KDM1B: variants seen among roughly 807,000 people sequenced by gnomAD.
KDM1B encodes lysine-specific histone demethylase 2.
A neutral mutation model predicts 107.4 loss-of-function variants in KDM1B; 63 were observed. The ratio of observed to expected loss-of-function variants is 0.59; its 90% CI spans 0.48 to 0.72. The LOEUF (loss-of-function observed/expected upper bound fraction) is 0.72. Among genes scored for constraint, KDM1B ranks in the 30% least tolerant of loss-of-function variants. The pLI is 0.00. For missense variants in KDM1B, 749 were observed against 1,020.8 expected, an observed-to-expected ratio of 0.73 and a Z score of 3.63; for synonymous variants, 363 against 363.9, an observed-to-expected ratio of 1.00 and a Z score of 0.03.
At chr6:18,185,724 CTA>C (rs1786812965) in intron 7 of KDM1B, 46 bp from the exon 8 acceptor site, 2 of 1,530,720 alleles carry the variant, frequency 1.3e-6, no homozygotes, top group Non-Finnish European at 1.8e-6. Flanking sequence ...ATACCTGAGA[CTA>C]TATTTTATAA....
In KDM1B at chr6:18,162,277, G is replaced by A. The variant is rs985702379; in HGVS notation, c.216-558G>A. On this transcript the variant is annotated intron_variant, in intron 4 of 21. Coordinates refer to ENST00000650836, the MANE Select transcript of KDM1B (RefSeq NM_001364614.2). This position sits in a 1 kb window ranked among gnomAD's most constrained non-coding sequence, Gnocchi z 4.1. ...CAGAGGTTGCAATGAGCCTGAGATC[G>A]TGCCACTGTACTCCAGCCTGAGTGA... Among the ~76,000 whole-genome samples, 17 of 152,154 alleles carry A rather than the reference G, an allele frequency of 1.1e-4. No homozygotes were observed. Among genetic ancestry groups the A allele is most frequent in the African/African-American group, 3.6e-4 (15 of 41,436 alleles).
In KDM1B at chr6:18,197,255, G is replaced by A. The variant is rs779705156; in HGVS notation, c.1146+22G>A. On this transcript the variant is annotated intron_variant, in intron 11 of 21. Coordinates refer to ENST00000650836, the MANE Select transcript of KDM1B (RefSeq NM_001364614.2). This position sits in a 1 kb window ranked among gnomAD's most constrained non-coding sequence, Gnocchi z 4.5. Reference sequence around the variant, plus strand: ...CAATGTAGGTGATTATAGCTTTAGCGATAGCCTTGCCATTGATCAGGACAA... The same window carrying A: ...CAATGTAGGTGATTATAGCTTTAGCAATAGCCTTGCCATTGATCAGGACAA... 1.9e-6 allele frequency: 3 copies of A among 1,602,558 alleles called. No homozygotes were observed. Among genetic ancestry groups the A allele is most frequent in the East Asian group, 2.2e-5 (1 of 44,718 alleles).
Position 18,172,756 on chromosome 6 carries a change from A to G in KDM1B, c.534+1277A>G, listed in dbSNP as rs1007530055. The stretch of plus-strand genomic sequence containing the variant: ...ATATTTATAATAAACTATATAGTTT[A>G]TTTTCTGTGCCTGGCCTATTCGTTT... On this transcript the variant is annotated intron_variant, in intron 7 of 21. Transcript: ENST00000650836. This position sits in a 1 kb window ranked among gnomAD's most constrained non-coding sequence, Gnocchi z 5.2. Among the ~76,000 whole-genome samples, 1 of 152,040 alleles carries G rather than the reference A, an allele frequency of 6.6e-6. No homozygotes were observed. Among genetic ancestry groups the G allele is most frequent in the Non-Finnish European group, 1.5e-5 (1 of 68,014 alleles).
At chr6:18,165,552 G>T (rs1231539758) in intron 5 of KDM1B, among the ~76,000 whole-genome samples, 1 of 152,226 alleles carries the variant, frequency 6.6e-6, no homozygotes, top group Non-Finnish European at 1.5e-5. Flanking sequence ...GCTAGGTGCA[G>T]TGGCTCACGC....
intron 6 of KDM1B, 122 bp downstream of exon 6, chr6:18,166,500 G>A (rs1164245608): frequency 3.2e-6 from 2 of 627,646 alleles, no homozygotes; most frequent in Non-Finnish European, 5.8e-6. Context: ...GACTATTAAA[G>A]CAAATATTTT....
At position 18,200,615 on chromosome 6, in the gene KDM1B, GAAAA is replaced by G; in HGVS notation, c.1359+41_1359+44del. ...AGCTTTGTGTTGTAGATAAAGGAAA[GAAAA>G]ACAGTTTCAATTTGCTTGTGTGCAG... On this transcript the variant is annotated intron_variant, in intron 13 of 21. Coordinates refer to ENST00000650836, the MANE Select transcript of KDM1B (RefSeq NM_001364614.2). This position sits in a 1 kb window ranked among gnomAD's most constrained non-coding sequence, Gnocchi z 4.3. 6.3e-7 allele frequency: 1 copy of G among 1,581,164 alleles called. No homozygotes were observed.
rs921737963 is a variant in KDM1B at position 18,204,352 on chromosome 6, C to T, written c.1532-1185C>T. Reference sequence around the variant, plus strand: ...TTCAAAAATTAGCTGGGCATAGAGGCGGGCGCCTGTAGTCCCAGCTACTTG... The same window carrying T: ...TTCAAAAATTAGCTGGGCATAGAGGTGGGCGCCTGTAGTCCCAGCTACTTG... On this transcript the variant is annotated intron_variant, in intron 14 of 21. Coordinates refer to ENST00000650836, the MANE Select transcript of KDM1B (RefSeq NM_001364614.2). The surrounding 1 kb of genome is among the most constrained non-coding windows in gnomAD (Gnocchi z 4.9). Among the ~76,000 whole-genome samples the T allele has an allele frequency of 2.0e-5, 3 of 151,678 alleles. No homozygotes were observed. Among genetic ancestry groups the T allele is most frequent in the Non-Finnish European group, 4.4e-5 (3 of 67,996 alleles).
At chr6:18,164,174 C>G (rs935751385) in intron 5 of KDM1B, among the ~76,000 whole-genome samples, 1 of 152,020 alleles carries the variant, frequency 6.6e-6, no homozygotes, top group Non-Finnish European at 1.5e-5. Flanking sequence ...GTTGCCCAGG[C>G]TGGAGTGCAG....
chr6:18,183,257 G>GTTT, intron 7 of KDM1B, among the ~76,000 whole-genome samples: 2 of 113,300 alleles, frequency 1.8e-5, no homozygotes, highest in African/African-American at 3.4e-5. Context: ...GAATTTTGTG[G>GTTT]GTTTTTTTTT....
Position 18,222,092 on chromosome 6 carries a change from A to C in KDM1B, c.*100A>C. ...AAGAGGGGGAAAAAACCGTCTCTAC[A>C]TAGTAAAACTGAAATGTTTCTAAGG... On this transcript the variant is annotated 3_prime_UTR_variant, in exon 22 of 22. Coordinates refer to ENST00000650836, the MANE Select transcript of KDM1B (RefSeq NM_001364614.2). The C allele has an allele frequency of 9.8e-7, 1 of 1,025,532 alleles. No individual in the cohort carries two copies. The highest frequency in any genetic ancestry group is 1.7e-5 in the Admixed American group (1 of 58,042). 63.5% of individuals were successfully genotyped at this position (1,025,532 alleles called of 1,614,324 possible). A position where few individuals can be genotyped will look rare whatever the true frequency, so the allele number is the denominator to read the frequency against.
At position 18,207,411 on chromosome 6, in the gene KDM1B, C is replaced by T. The variant is rs1419961328; in HGVS notation, c.1673C>T (p.Ser558Leu). 5.0e-6 allele frequency: 8 copies of T among 1,614,044 alleles called. No homozygotes were observed. Among genetic ancestry groups the T allele is most frequent in the African/African-American group, 1.3e-5 (1 of 74,934 alleles). The change falls in exon 16 of 22, where the codon TCG becomes TTG. Residue 558 changes from serine (S) to leucine (L), a missense_variant. Physicochemically the swap from Ser to Leu is moderately radical, Grantham distance 145. Transcript: ENST00000650836. The stretch of plus-strand genomic sequence containing the variant: ...CTTGTTTCCCAGGTATCTGCTCGCT[C>T]GTGGGACCACAATGAATTCTTTGCC... ...GSNLHQVSAR[S>L]WDHNEFFAQF... is the part of the protein sequence containing the mutation.
intron 12 of KDM1B, among the ~76,000 whole-genome samples, chr6:18,199,258 C>G (rs917654097): frequency 6.6e-6 from 1 of 151,986 alleles, no homozygotes; most frequent in African/African-American, 2.4e-5. Context: ...CAAGGTGCAG[C>G]CTTCCTAGTT....
chr6:18,192,826 T>C (rs1056755477), intron 10 of KDM1B, among the ~76,000 whole-genome samples: 4 of 150,588 alleles, frequency 2.7e-5, no homozygotes, highest in African/African-American at 9.7e-5. Context: ...AAATTTGACT[T>C]ATACAGGGGA....
At position 18,217,715 on chromosome 6, in the gene KDM1B, C is replaced by T. The variant is rs761902362; in HGVS notation, c.2233-18C>T. On this transcript the variant is annotated intron_variant, in intron 20 of 21. Coordinates refer to ENST00000650836, the MANE Select transcript of KDM1B (RefSeq NM_001364614.2). ...CCCTTCTTGATCCTACTTCATAATT[C>T]CTTTCTATTGGACATAGGAGGTCCC... 3 of 1,607,578 alleles carry T rather than the reference C, an allele frequency of 1.9e-6. No homozygotes were observed. The highest frequency in any genetic ancestry group is 2.2e-5 in the South Asian group (2 of 90,686).
intron 17 of KDM1B, among the ~76,000 whole-genome samples, chr6:18,210,359 T>TG (rs1788763120): frequency 1.1e-5 from 1 of 90,590 alleles, no homozygotes; most frequent in African/African-American, 5.2e-5. Context: ...TTTTTTTTTT[T>TG]TTTTTTTTTT....
chr6:18,186,570 G>T lies in KDM1B; in HGVS notation c.573+760G>T, dbSNP rs181549978. On this transcript the variant is annotated intron_variant, in intron 8 of 21. Coordinates refer to ENST00000650836, the MANE Select transcript of KDM1B (RefSeq NM_001364614.2). The surrounding 1 kb of genome is among the most constrained non-coding windows in gnomAD (Gnocchi z 5.6). ...TAAATCCATTCTGTTATATAAAAGG[G>T]TGTTTGCATGTGTATTAGTCCGTTC... 1.1e-3 allele frequency among the ~76,000 whole-genome samples: 167 copies of T among 152,240 alleles called. No homozygotes were observed. Among genetic ancestry groups the T allele is most frequent in the South Asian group, 4.4e-3 (21 of 4,824 alleles).
chr6:18,205,395 T>C lies in KDM1B; in HGVS notation c.1532-142T>C, dbSNP rs1446152876. ...GAGAGAAATGGACCTTATCAAGAGA[T>C]CTTTTCCCCTCTGACTTTACTTGGG... On this transcript the variant is annotated intron_variant, in intron 14 of 21. Coordinates refer to ENST00000650836, the MANE Select transcript of KDM1B (RefSeq NM_001364614.2). The surrounding 1 kb of genome is among the most constrained non-coding windows in gnomAD (Gnocchi z 5.7). 3 of 606,828 alleles carry C rather than the reference T, an allele frequency of 4.9e-6. No homozygotes were observed. In the East Asian group the frequency reaches 9.9e-5, roughly 20 times the overall value. The allele number at this position is 606,828 out of a possible 1,614,324, so 37.6% of individuals were successfully genotyped here. A position where few individuals can be genotyped will look rare whatever the true frequency, so the allele number is the denominator to read the frequency against.
At chr6:18,195,369 T>C (rs1159571094) in intron 10 of KDM1B, among the ~76,000 whole-genome samples, 1 of 152,240 alleles carries the variant, frequency 6.6e-6, no homozygotes, top group East Asian at 1.9e-4. Flanking sequence ...TTAATTGGTT[T>C]GCCTTTTAAA....
chr6:18,205,720 G>A lies in KDM1B; in HGVS notation c.1659+56G>A, dbSNP rs1052692329. The A allele has an allele frequency of 1.2e-5, 17 of 1,433,780 alleles. No homozygotes were observed. Among genetic ancestry groups the A allele is most frequent in the Admixed American group, 2.9e-5 (1 of 34,540 alleles). The allele number at this position is 1,433,780 out of a possible 1,614,324, so 88.8% of individuals were successfully genotyped here. On this transcript the variant is annotated intron_variant, in intron 15 of 21. Transcript: ENST00000650836. The surrounding 1 kb of genome is among the most constrained non-coding windows in gnomAD (Gnocchi z 5.7). Reference sequence around the variant, plus strand: ...TGAAAATACTTGGTTTAGGCCGGGCGCAGTGGCTCACGCCTGTAATCCCAG... The same window carrying A: ...TGAAAATACTTGGTTTAGGCCGGGCACAGTGGCTCACGCCTGTAATCCCAG...
Sources: gnomAD v4.1 joint callset for allele counts (sites outside exome capture counted in the v4.1 genomes callset) on GRCh38, gnomAD v4.1.1 for gene constraint, Gnocchi (gnomAD v3.1) non-coding constraint, MANE v1.5 for transcripts, NCBI Gene and HGNC (gene_info 2026-07-23, HGNC 2026-07-21) for gene names.